The following OPCML variants were observed in gnomAD, a reference collection of about 807,000 sequenced individuals.
OPCML encodes the protein opioid binding protein/cell adhesion molecule like.
A neutral mutation model predicts 37.8 loss-of-function variants in OPCML; 13 were observed. The ratio of observed to expected loss-of-function variants is 0.34; its 90% CI spans 0.22 to 0.55. The LOEUF (loss-of-function observed/expected upper bound fraction) is 0.55. OPCML is among the 20% of genes least tolerant of loss of function. OPCML has a pLI of 0.91. For synonymous variants in OPCML, 176 were observed against 168.8 expected (o/e 1.04, Z -0.33); for missense variants, 341 against 435.6 (o/e 0.78, Z 1.93).
intron 5 of OPCML, 73 bp from the exon 6 acceptor site, chr11:132,436,852 T>A (rs905329020): frequency 6.4e-7 from 1 of 1,562,068 alleles, no homozygotes; most frequent in Admixed American, 1.8e-5. Flanking sequence ...GTGAAAGAGA[T>A]GAAGGGCACA....
At chr11:133,458,800 T>C (rs895380830) in intron 1 of OPCML, among the ~76,000 whole-genome samples, 3 of 151,622 alleles carry the variant, frequency 2.0e-5, no homozygotes, top group African/African-American at 7.3e-5. Flanking sequence ...TGCACGTGTG[T>C]GTGTATATAC....
At chr11:133,475,417 GT>G (rs1330519022) in intron 1 of OPCML, among the ~76,000 whole-genome samples, 2 of 151,700 alleles carry the variant, frequency 1.3e-5, no homozygotes, top group South Asian at 2.1e-4. Context: ...ATCTTCTTTT[GT>G]TTTTTTATCC....
At chr11:132,974,414 C>G (rs1412518422) in intron 1 of OPCML, among the ~76,000 whole-genome samples, 1 of 152,196 alleles carries the variant, frequency 6.6e-6, no homozygotes, top group Non-Finnish European at 1.5e-5. Context: ...CTCATCATCA[C>G]TGGTCATCAG....
At chr11:133,225,925 C>T (rs995692559) in intron 1 of OPCML, among the ~76,000 whole-genome samples, 1 of 152,222 alleles carries the variant, frequency 6.6e-6, no homozygotes, top group East Asian at 1.9e-4. Flanking sequence ...CAAACAGCTT[C>T]CCATGCATTA....
At chr11:133,296,952 T>G (rs1349247659) in intron 1 of OPCML, among the ~76,000 whole-genome samples, 1 of 152,196 alleles carries the variant, frequency 6.6e-6, no homozygotes. Context: ...ATTGTATCAT[T>G]GACACTGATC....
chr11:133,477,116 T>A (rs1947258029), intron 1 of OPCML, among the ~76,000 whole-genome samples: 1 of 152,208 alleles, frequency 6.6e-6, no homozygotes, highest in African/African-American at 2.4e-5. Flanking sequence ...ATCAAGGGGA[T>A]GTCTACACTT....
chr11:132,711,433 C>T (rs1046693138), intron 2 of OPCML, among the ~76,000 whole-genome samples: 4 of 152,160 alleles, frequency 2.6e-5, no homozygotes, highest in South Asian at 4.1e-4. Flanking sequence ...AGGATTGGAA[C>T]GTTTTCCAGA....
At chr11:132,690,226 C>T (rs1003947043) in intron 2 of OPCML, among the ~76,000 whole-genome samples, 3 of 152,154 alleles carry the variant, frequency 2.0e-5, no homozygotes, top group Non-Finnish European at 4.4e-5. Context: ...AGGAGCCCAT[C>T]ACCATGCCTG....
At chr11:132,507,688 T>C (rs1433979250) in intron 4 of OPCML, among the ~76,000 whole-genome samples, 1 of 143,694 alleles carries the variant, frequency 7.0e-6, no homozygotes, top group East Asian at 2.0e-4. Flanking sequence ...TTAAGGAATA[T>C]AATTTTTAAT....
intron 1 of OPCML, among the ~76,000 whole-genome samples, chr11:133,358,921 C>A (rs766844280): frequency 1.3e-5 from 2 of 150,990 alleles, no homozygotes; most frequent in African/African-American, 4.9e-5. Flanking sequence ...CAGAGACCAG[C>A]GTGGCTGGGC....
intron 1 of OPCML, among the ~76,000 whole-genome samples, chr11:133,383,145 C>G (rs1289532629): frequency 6.6e-6 from 1 of 152,128 alleles, no homozygotes; most frequent in Non-Finnish European, 1.5e-5. Context: ...TCCTGCCTAT[C>G]CAAACAGGTC....
At chr11:133,133,721 C>T (rs1405071092) in intron 1 of OPCML, among the ~76,000 whole-genome samples, 7 of 152,172 alleles carry the variant, frequency 4.6e-5, no homozygotes, top group Non-Finnish European at 8.8e-5. Flanking sequence ...GTGTCTCTTA[C>T]ACCAGACTGC....
intron 1 of OPCML, chr11:133,066,944 G>GTAGGGAGGTCTGAAGGATGGTTATCT (rs1357093957): frequency 2.0e-5 from 3 of 152,236 alleles, no homozygotes; most frequent in Non-Finnish European, 1.5e-5. Context: ...CTCCCAAGGT[G>GTAGGGAGGTCTGAAGGATGGTTATCT]TTGGGATTAC....
At chr11:133,312,532 T>G (rs968466738) in intron 1 of OPCML, among the ~76,000 whole-genome samples, 3 of 152,166 alleles carry the variant, frequency 2.0e-5, no homozygotes, top group Admixed American at 6.5e-5. Flanking sequence ...AACTCTTCCC[T>G]TTGCTCAGCC....
intron 1 of OPCML, among the ~76,000 whole-genome samples, chr11:133,254,322 C>T (rs1435396926): frequency 6.6e-6 from 1 of 152,100 alleles, no homozygotes; most frequent in Non-Finnish European, 1.5e-5. Flanking sequence ...GAGTTTCTTC[C>T]CTGTTCACAC....
intron 3 of OPCML, among the ~76,000 whole-genome samples, chr11:132,615,985 A>T (rs1045153623): frequency 6.6e-6 from 1 of 152,246 alleles, no homozygotes; most frequent in African/African-American, 2.4e-5. Context: ...TCTAGGCTAC[A>T]CTTGAAGAAG....
At chr11:133,167,770 C>T (rs138134874) in intron 1 of OPCML, among the ~76,000 whole-genome samples, 48 of 152,252 alleles carry the variant, frequency 3.2e-4, no homozygotes, top group Middle Eastern at 6.8e-3. Context: ...CACAACTTGT[C>T]TAACACTTTT....
intron 3 of OPCML, among the ~76,000 whole-genome samples, chr11:132,612,951 C>T (rs1208870483): frequency 6.6e-6 from 1 of 152,154 alleles, no homozygotes; most frequent in Non-Finnish European, 1.5e-5. Flanking sequence ...GACAGCCAAT[C>T]AGAGGATGGT....
chr11:132,973,710 C>A (rs1946393932), intron 1 of OPCML, among the ~76,000 whole-genome samples: 1 of 152,194 alleles, frequency 6.6e-6, no homozygotes, highest in African/African-American at 2.4e-5. Flanking sequence ...CTACAATTTT[C>A]CAGCTAATCT....
Sources: gnomAD v4.1 joint callset for allele counts (sites outside exome capture counted in the v4.1 genomes callset) on GRCh38, gnomAD v4.1.1 for gene constraint, MANE v1.5 for transcripts, NCBI Gene and HGNC (gene_info 2026-07-23, HGNC 2026-07-21) for gene names.